The following GAB2 variants were observed in gnomAD, a reference collection of about 807,000 sequenced individuals.
The protein encoded by GAB2 is GRB2 associated binding protein 2.
GAB2 carries 26 observed loss-of-function variants against 65.5 expected under a neutral mutation model. The ratio of observed to expected loss-of-function variants is 0.40; its 90% CI spans 0.29 to 0.55. The LOEUF is 0.55. Ranked by LOEUF, GAB2 falls within the 20% of genes least tolerant of loss-of-function variation. GAB2 has a pLI of 0.53. For synonymous variants in GAB2, 321 were observed against 329.6 expected, an observed-to-expected ratio of 0.97 and a Z score of 0.28; for missense variants, 884 against 875.8, an observed-to-expected ratio of 1.01 and a Z score of -0.12.
intron 1 of GAB2, among the ~76,000 whole-genome samples, chr11:78,412,817 T>C (rs17136578): frequency 0.049 from 7,402 of 152,282 alleles, 562 homozygotes; most frequent in African/African-American, 0.17. Flanking sequence ...AATTACTACA[T>C]TAAAAGATCA....
At chr11:78,343,355 G>T (rs946449885) in intron 1 of GAB2, among the ~76,000 whole-genome samples, 1 of 124,592 alleles carries the variant, frequency 8.0e-6, no homozygotes, top group Non-Finnish European at 1.6e-5. Flanking sequence ...GTACAAGAAG[G>T]AATAATGTAA....
chr11:78,360,131 A>G (rs1856414362), intron 1 of GAB2, among the ~76,000 whole-genome samples: 2 of 152,078 alleles, frequency 1.3e-5, no homozygotes, highest in Admixed American at 1.3e-4. Flanking sequence ...CCGGAAGCCA[A>G]AAGAGGCAAA....
chr11:78,346,106 C>T (rs1856174867), intron 1 of GAB2, among the ~76,000 whole-genome samples: 1 of 152,166 alleles, frequency 6.6e-6, no homozygotes, highest in South Asian at 2.1e-4. Flanking sequence ...CCAGGACAAT[C>T]AACTCGACAG....
At chr11:78,391,722 G>C (rs923951242) in intron 1 of GAB2, among the ~76,000 whole-genome samples, 2 of 152,230 alleles carry the variant, frequency 1.3e-5, no homozygotes, top group Non-Finnish European at 2.9e-5. Flanking sequence ...GTCACTCTGA[G>C]CCATTCAAGC....
intron 1 of GAB2, among the ~76,000 whole-genome samples, chr11:78,332,734 T>C (rs1289274351): frequency 1.3e-5 from 2 of 152,188 alleles, no homozygotes; most frequent in Non-Finnish European, 2.9e-5. Flanking sequence ...GTAGGGAAAC[T>C]AAAAAGTAAC....
intron 1 of GAB2, among the ~76,000 whole-genome samples, chr11:78,323,790 C>CTTTTTTTTTTT (rs749282969): frequency 1.8e-4 from 14 of 77,262 alleles, no homozygotes; most frequent in African/African-American, 5.5e-4. Context: ...CTGAATCTTT[C>CTTTTTTTTTTT]TTTTTTTTTT....
intron 2 of GAB2, among the ~76,000 whole-genome samples, chr11:78,276,277 G>A (rs903409691): frequency 3.3e-5 from 5 of 151,966 alleles, no homozygotes; most frequent in African/African-American, 1.2e-4. Flanking sequence ...CCCAGCCTGG[G>A]TGACAGGGCT....
intron 1 of GAB2, among the ~76,000 whole-genome samples, chr11:78,395,353 C>T (rs1019399721): frequency 6.6e-6 from 1 of 152,228 alleles, no homozygotes; most frequent in African/African-American, 2.4e-5. Context: ...ACAAAGAAGG[C>T]TGAGGCAGGG....
At chr11:78,416,779 TAAAAAA>T (rs5792806) in intron 1 of GAB2, among the ~76,000 whole-genome samples, 2 of 116,226 alleles carry the variant, frequency 1.7e-5, no homozygotes, top group Admixed American at 8.6e-5. Flanking sequence ...GGAGAGGGGT[TAAAAAA>T]AAAAAAAAAA....
At chr11:78,313,791 T>A (rs1382034001) in intron 1 of GAB2, among the ~76,000 whole-genome samples, 1 of 152,230 alleles carries the variant, frequency 6.6e-6, no homozygotes, top group Non-Finnish European at 1.5e-5. Context: ...ACTTGCATTT[T>A]AATTTACATA....
intron 1 of GAB2, among the ~76,000 whole-genome samples, chr11:78,330,155 G>A (rs1290809371): frequency 6.6e-6 from 1 of 152,180 alleles, no homozygotes; most frequent in East Asian, 1.9e-4. Flanking sequence ...GTGGGTGGGG[G>A]TTAAATGGAT....
chr11:78,328,332 G>A (rs1353040888), intron 1 of GAB2, among the ~76,000 whole-genome samples: 5 of 152,134 alleles, frequency 3.3e-5, no homozygotes, highest in African/African-American at 9.7e-5. Flanking sequence ...ACACTAAGCC[G>A]CGGAAGGCTT....
chr11:78,417,364 C>T (rs1857211895), intron 1 of GAB2, among the ~76,000 whole-genome samples: 1 of 151,928 alleles, frequency 6.6e-6, no homozygotes, highest in South Asian at 2.1e-4. Context: ...AACTTCGACA[C>T]TGTATTTAGT....
At chr11:78,356,180 A>C (rs1221852205) in intron 1 of GAB2, among the ~76,000 whole-genome samples, 1 of 129,156 alleles carries the variant, frequency 7.7e-6, no homozygotes, top group Non-Finnish European at 1.6e-5. Flanking sequence ...CTCAAAAAAA[A>C]AGAAAAAAAA....
intron 1 of GAB2, among the ~76,000 whole-genome samples, chr11:78,291,632 C>T (rs1176682951): frequency 8.3e-5 from 10 of 120,216 alleles, no homozygotes; most frequent in East Asian, 2.8e-4. Flanking sequence ...AGTGCAGTGG[C>T]GCAAACATGG....
rs559140552 is a variant in GAB2 at position 78,304,656 on chromosome 11, G to GA, written c.76-23756dup. Among the ~76,000 whole-genome samples the GA allele has an allele frequency of 4.3e-4, 66 of 152,282 alleles. 1 individual carries two copies. The South Asian group carries it at 0.013, about 29-fold the overall frequency. On this transcript the variant is annotated intron_variant, in intron 1 of 9. Transcript: ENST00000361507. ...GTTTTTAATTCCTTTAGCCCTCAGA[G>GA]AAACTGTAGTCCCTGGGCCAGTTAC...
intron 1 of GAB2, among the ~76,000 whole-genome samples, chr11:78,354,055 G>C (rs1369448506): frequency 1.3e-5 from 2 of 152,210 alleles, no homozygotes; most frequent in Non-Finnish European, 2.9e-5. Flanking sequence ...TTGGTCCAGG[G>C]ATGGCACTTT....
At chr11:78,342,675 T>G (rs796068637) in intron 1 of GAB2, among the ~76,000 whole-genome samples, 6 of 152,354 alleles carry the variant, frequency 3.9e-5, no homozygotes, top group East Asian at 1.9e-4. Context: ...CCCAAAGTGC[T>G]GGGATTACAG....
intron 1 of GAB2, among the ~76,000 whole-genome samples, chr11:78,355,723 T>A (rs1261062775): frequency 7.4e-6 from 1 of 134,904 alleles, no homozygotes; most frequent in Non-Finnish European, 1.6e-5. Context: ...TCAGAACTCA[T>A]TAAATGATCA....
Sources: allele counts gnomAD v4.1 joint callset (sites outside exome capture counted in the v4.1 genomes callset), GRCh38; gene constraint gnomAD v4.1.1; transcripts MANE v1.5; gene names NCBI Gene and HGNC (gene_info 2026-07-23, HGNC 2026-07-21).